CRHR2: variants seen among roughly 807,000 people sequenced by gnomAD.
CRHR2 encodes the protein corticotropin releasing hormone receptor 2, also known as corticotropin-releasing hormone receptor 2.
CRHR2 carries 53 observed loss-of-function variants against 57.9 expected under a neutral mutation model. That is an observed-to-expected ratio of 0.92 (90% CI 0.73 to 1.15). The LOEUF is 1.15. Ranked by LOEUF, CRHR2 falls within the 50% of genes most tolerant of loss-of-function variation. CRHR2 has a pLI of 0.00. For missense variants in CRHR2, 532 were observed against 542.6 expected (o/e 0.98, Z 0.19); for synonymous variants, 213 against 220.9 (o/e 0.96, Z 0.32).
intron 2 of CRHR2, among the ~76,000 whole-genome samples, chr7:30,667,920 A>C (rs542782406): frequency 1.3e-5 from 2 of 152,250 alleles, no homozygotes; most frequent in African/African-American, 2.4e-5. Flanking sequence ...AGAGGATTCA[A>C]ACTCAGAAGT....
At chr7:30,692,612 A>G (rs1305525722) in intron 1 of CRHR2, among the ~76,000 whole-genome samples, 1 of 152,216 alleles carries the variant, frequency 6.6e-6, no homozygotes, top group Non-Finnish European at 1.5e-5. Flanking sequence ...CCCAGGGCCC[A>G]CACAGGAAAC....
At position 30,693,055 on chromosome 7, in the gene CRHR2, A is replaced by C. The variant is rs62446898; in HGVS notation, c.-260-3771T>G. ...AGGTGAGAAGCCCCTCTCTTGCCACAGAGGAACAGGGGCCTTGGAGGCAGA... is the reference window on the plus strand; with the variant it reads ...AGGTGAGAAGCCCCTCTCTTGCCACCGAGGAACAGGGGCCTTGGAGGCAGA... On this transcript the variant is annotated intron_variant, in intron 1 of 13. Transcript: ENST00000341843. Among the ~76,000 whole-genome samples the C allele has an allele frequency of 9.2e-3, 1,401 of 152,340 alleles. 10 individuals carry two copies. Among genetic ancestry groups the C allele is most frequent in the Non-Finnish European group, 0.015 (1,032 of 68,036 alleles).
At chr7:30,661,940 A>G (rs1011769676) in intron 7 of CRHR2, among the ~76,000 whole-genome samples, 1 of 152,184 alleles carries the variant, frequency 6.6e-6, no homozygotes, top group Non-Finnish European at 1.5e-5. Flanking sequence ...AGGAACCACA[A>G]TTCCTAACTT....
chr7:30,680,010 C>T (rs558311699), intron 2 of CRHR2, among the ~76,000 whole-genome samples: 62 of 152,328 alleles, frequency 4.1e-4, no homozygotes, highest in African/African-American at 1.4e-3. Flanking sequence ...CATTAGATAC[C>T]AGGGGCTAAT....
rs949150401 is a variant in CRHR2 at position 30,682,049 on chromosome 7, G to A, written c.104-9C>T. ...GCAGTAGGAGTAGGGACCTGGCGGC[G>A]GGAGAGAGCGCAGTAGGGCTCAGAG... On this transcript the variant is annotated splice_polypyrimidine_tract_variant and intron_variant, in intron 1 of 11. Coordinates refer to ENST00000471646, the MANE Select transcript of CRHR2 (RefSeq NM_001883.5). 6.4e-7 allele frequency: 1 copy of A among 1,574,476 alleles called. No individual in the cohort carries two copies. Among genetic ancestry groups the A allele is most frequent in the South Asian group, 1.2e-5 (1 of 86,378 alleles).
chr7:30,662,396 C>G (rs1241175078), intron 6 of CRHR2, among the ~76,000 whole-genome samples, 180 bp from the exon 7 acceptor site: 3 of 152,208 alleles, frequency 2.0e-5, no homozygotes, highest in African/African-American at 2.4e-5. Context: ...GCCCCTCTCT[C>G]CAAGCAGGGC....
rs988101397 is a variant in CRHR2, at chr7:30,656,953, G to A, written c.832-941C>T. Among the ~76,000 whole-genome samples the A allele has an allele frequency of 6.6e-6, 1 of 152,122 alleles. No individual in the cohort carries two copies. Among genetic ancestry groups the A allele is most frequent in the East Asian group, 1.9e-4 (1 of 5,194 alleles). ...TCTCTTCACCTGCCTCCGAGCATAG[G>A]CAGGCAGGCAGGCAAGGGAGTGTGT... On this transcript the variant is annotated intron_variant, in intron 8 of 11. Coordinates refer to ENST00000471646, the MANE Select transcript of CRHR2 (RefSeq NM_001883.5). This position sits in a 1 kb window ranked among gnomAD's most constrained non-coding sequence, Gnocchi z 4.4.
At chr7:30,688,087 C>T (rs111578941) in intron 2 of CRHR2, among the ~76,000 whole-genome samples, 2,833 of 152,258 alleles carry the variant, frequency 0.019, 22 homozygotes, top group Middle Eastern at 0.037. Flanking sequence ...TTAGGGTCTT[C>T]GATGAGGTGA....
At chr7:30,693,022 GGCC>G (rs1784990274) in intron 1 of CRHR2, among the ~76,000 whole-genome samples, 1 of 152,204 alleles carries the variant, frequency 6.6e-6, no homozygotes, top group African/African-American at 2.4e-5. Flanking sequence ...GGGCTCAGGA[GGCC>G]GCTCAGGTGA....
chr7:30,681,499 G>A (rs1784703657), intron 2 of CRHR2, among the ~76,000 whole-genome samples: 1 of 152,130 alleles, frequency 6.6e-6, no homozygotes, highest in South Asian at 2.1e-4. Context: ...CTCACTCTGG[G>A]GGATTTGGGA....
chr7:30,665,253 G>A lies in CRHR2; in HGVS notation c.426-66C>T. The A allele has an allele frequency of 1.4e-6, 2 of 1,386,320 alleles. No homozygotes were observed. Among genetic ancestry groups the A allele is most frequent in the Non-Finnish European group, 2.0e-6 (2 of 976,084 alleles). 85.9% of individuals were successfully genotyped at this position (1,386,320 alleles called of 1,614,324 possible). A position where few individuals can be genotyped will look rare whatever the true frequency, so the allele number is the denominator to read the frequency against. The stretch of plus-strand genomic sequence containing the variant: ...TCAACTGGGACTGGGTTCCCCCTGA[G>A]GCCAGGTAGAGACTCAGCCTGGGAT... On this transcript the variant is annotated intron_variant, in intron 4 of 11. Coordinates refer to ENST00000471646, the MANE Select transcript of CRHR2 (RefSeq NM_001883.5). The surrounding 1 kb of genome is among the most constrained non-coding windows in gnomAD (Gnocchi z 4.5).
upstream of CRHR2, chr7:30,686,559 A>G (rs1562809459): frequency 6.6e-7 from 1 of 1,507,204 alleles, no homozygotes; most frequent in East Asian, 2.5e-5. Flanking sequence ...CCATAATCTC[A>G]GCACTTGGGG....
chr7:30,668,904 G>T (rs77205865), intron 2 of CRHR2, among the ~76,000 whole-genome samples: 5,598 of 152,228 alleles, frequency 0.037, 361 homozygotes, highest in African/African-American at 0.13. Context: ...TAGCCATGGC[G>T]CCCAACTCCC....
chr7:30,662,738 G>A lies in CRHR2; in HGVS notation c.653C>T (p.Ser218Phe), dbSNP rs1481348180. Residue 218 changes from serine to phenylalanine, a missense_variant, in exon 6 of 12, where the codon TCC (serine) becomes TTC (phenylalanine). Coordinates refer to ENST00000471646, the MANE Select transcript of CRHR2 (RefSeq NM_001883.5). Reference sequence around the variant, plus strand: ...GAGGCACTTGCGCAGGCGCTCAGTGGAGTAGGTCATGACAATGGCCGTGTG... The same window carrying A: ...GAGGCACTTGCGCAGGCGCTCAGTGAAGTAGGTCATGACAATGGCCGTGTG... ...YLHTAIVMTY[S>F]TERLRKCLFL... 6.8e-6 allele frequency: 11 copies of A among 1,614,098 alleles called. No individual in the cohort carries two copies. Among genetic ancestry groups the A allele is most frequent in the Non-Finnish European group, 9.3e-6 (11 of 1,180,038 alleles).
intron 2 of CRHR2, among the ~76,000 whole-genome samples, chr7:30,678,622 C>T (rs978152038): frequency 2.7e-4 from 40 of 148,704 alleles, no homozygotes; most frequent in Admixed American, 8.1e-4. Context: ...GACTTCTAAA[C>T]GCCTTATCTC....
chr7:30,695,360 C>T (rs889373175), intron 1 of CRHR2, among the ~76,000 whole-genome samples: 1 of 152,006 alleles, frequency 6.6e-6, no homozygotes, highest in African/African-American at 2.4e-5. Context: ...CGGCCAAGTT[C>T]GTCTTCCTAG....
Position 30,665,710 on chromosome 7 carries a change from G to T in CRHR2, c.316-71C>A. 1 of 1,289,520 alleles carries T rather than the reference G, an allele frequency of 7.8e-7. No individual in the cohort carries two copies. The highest frequency in any genetic ancestry group is 1.1e-6 in the Non-Finnish European group (1 of 914,276). 79.9% of individuals were successfully genotyped at this position (1,289,520 alleles called of 1,614,324 possible). A position where few individuals can be genotyped will look rare whatever the true frequency, so the allele number is the denominator to read the frequency against. On this transcript the variant is annotated intron_variant, in intron 3 of 11. Transcript: ENST00000471646. This position sits in a 1 kb window ranked among gnomAD's most constrained non-coding sequence, Gnocchi z 4.5. ...GGGGGTGGGGCTGGGTATTCCAGCC[G>T]TGGCCACCTCTGTGTCCTGACCTTG... is the stretch of plus-strand genomic sequence containing the variant.
intron 1 of CRHR2, chr7:30,699,795 A>C (rs542851344): frequency 1.7e-6 from 1 of 584,724 alleles, no homozygotes; most frequent in African/African-American, 2.0e-5. Context: ...CCCCTCACCC[A>C]GGCACGGGAT....
chr7:30,697,516 C>T (rs947254193), intron 1 of CRHR2, among the ~76,000 whole-genome samples: 20 of 152,176 alleles, frequency 1.3e-4, no homozygotes, highest in African/African-American at 4.8e-4. Context: ...ACCAGCTTCC[C>T]GAAGGCCTCC....
Sources: gnomAD v4.1 joint callset for allele counts (sites outside exome capture counted in the v4.1 genomes callset) on GRCh38, gnomAD v4.1.1 for gene constraint, Gnocchi (gnomAD v3.1) non-coding constraint, MANE v1.5 for transcripts, NCBI Gene and HGNC (gene_info 2026-07-23, HGNC 2026-07-21) for gene names.